THSD7B: variants seen among roughly 807,000 people sequenced by gnomAD.
The protein encoded by THSD7B is thrombospondin type-1 domain-containing protein 7B.
A neutral mutation model predicts 213.6 loss-of-function variants in THSD7B; 138 were observed. The observed-to-expected ratio is 0.65, with a 90% CI of 0.56 to 0.74. THSD7B has a LOEUF of 0.74. Ranked by LOEUF, THSD7B falls within the 30% of genes least tolerant of loss-of-function variation. THSD7B has a pLI of 0.00. For missense variants in THSD7B, 1,931 were observed against 1,991.5 expected, an observed-to-expected ratio of 0.97 and a Z score of 0.58; for synonymous variants, 742 against 687.0, an observed-to-expected ratio of 1.08 and a Z score of -1.25.
intron 7 of THSD7B, among the ~76,000 whole-genome samples, chr2:137,208,983 C>T (rs1350859067): frequency 6.6e-6 from 1 of 152,062 alleles, no homozygotes; most frequent in Non-Finnish European, 1.5e-5. Flanking sequence ...AAGCCCCTCT[C>T]ATAATCCTAA....
chr2:137,633,702 T>C (rs1308311077), intron 20 of THSD7B, among the ~76,000 whole-genome samples: 2 of 152,060 alleles, frequency 1.3e-5, no homozygotes, highest in Non-Finnish European at 2.9e-5. Context: ...TGATAAAGTG[T>C]TTTATGTGAC....
At chr2:136,803,588 T>C (rs1018818172) in intron 1 of THSD7B, among the ~76,000 whole-genome samples, 4 of 152,200 alleles carry the variant, frequency 2.6e-5, no homozygotes, top group African/African-American at 9.6e-5. Flanking sequence ...ATATTTGTAT[T>C]AATCAAGGTT....
At chr2:137,497,034 C>G (rs1471979751) in intron 15 of THSD7B, among the ~76,000 whole-genome samples, 1 of 151,994 alleles carries the variant, frequency 6.6e-6, no homozygotes, top group African/African-American at 2.4e-5. Context: ...TTATTTGGTC[C>G]TCTAAGGGAT....
intron 12 of THSD7B, among the ~76,000 whole-genome samples, chr2:137,289,655 G>A (rs1683276140): frequency 6.6e-6 from 1 of 151,978 alleles, no homozygotes. Context: ...TAATAATTTT[G>A]GGACTAAGGG....
chr2:137,567,434 A>G (rs1164588805), intron 16 of THSD7B, among the ~76,000 whole-genome samples: 1 of 152,008 alleles, frequency 6.6e-6, no homozygotes, highest in Non-Finnish European at 1.5e-5. Flanking sequence ...CCTCTTATTT[A>G]CATTTGAAAA....
chr2:137,351,156 T>A (rs750167468), intron 12 of THSD7B, among the ~76,000 whole-genome samples: 5 of 151,888 alleles, frequency 3.3e-5, no homozygotes, highest in Non-Finnish European at 5.9e-5. Context: ...AGAAGAAGGC[T>A]TAAGATCATT....
At chr2:137,594,792 T>A (rs1037978989) in intron 17 of THSD7B, among the ~76,000 whole-genome samples, 1 of 151,928 alleles carries the variant, frequency 6.6e-6, no homozygotes, top group Non-Finnish European at 1.5e-5. Context: ...AATTTATAGA[T>A]CAGTTTGGAA....
intron 26 of THSD7B, among the ~76,000 whole-genome samples, chr2:137,666,537 T>TCCCC (rs66990282): frequency 6.9e-4 from 100 of 145,902 alleles, no homozygotes; most frequent in Middle Eastern, 3.6e-3. Flanking sequence ...TTGATTGATT[T>TCCCC]CCCCCCCCCA....
chr2:136,991,136 C>G (rs1434538747), intron 2 of THSD7B, among the ~76,000 whole-genome samples: 2 of 152,152 alleles, frequency 1.3e-5, no homozygotes, highest in Non-Finnish European at 2.9e-5. Flanking sequence ...TATAATTTAG[C>G]ATTTTAAAAC....
At chr2:137,565,055 G>A (rs934978329) in intron 16 of THSD7B, among the ~76,000 whole-genome samples, 7 of 151,990 alleles carry the variant, frequency 4.6e-5, no homozygotes, top group African/African-American at 1.7e-4. Context: ...GACACATAAA[G>A]GAAAGACCAT....
At chr2:136,993,613 C>G (rs1449328838) in intron 2 of THSD7B, among the ~76,000 whole-genome samples, 2 of 152,118 alleles carry the variant, frequency 1.3e-5, no homozygotes, top group Non-Finnish European at 2.9e-5. Flanking sequence ...TGTGACATTA[C>G]CAAAAGGTTT....
chr2:137,220,955 A>G (rs1010759352), intron 7 of THSD7B, among the ~76,000 whole-genome samples: 7 of 152,120 alleles, frequency 4.6e-5, no homozygotes, highest in Non-Finnish European at 8.8e-5. Flanking sequence ...TTTTTTATAT[A>G]TATGACATTC....
In THSD7B at chr2:137,251,654, T is replaced by C. The variant is rs151162574; in HGVS notation, c.2266+9082T>C. Among the ~76,000 whole-genome samples, 16 of 152,276 alleles carry C rather than the reference T, an allele frequency of 1.1e-4. No homozygotes were observed. The East Asian group carries it at 2.9e-3, about 28-fold the overall frequency. ...TTAGTGTCCTAGACTGACCCGTGGG[T>C]AAAACTTAAAGTAATTGAACAGGTT... On this transcript the variant is annotated intron_variant, in intron 10 of 27. Transcript: ENST00000409968.
In THSD7B at chr2:137,232,896, C is replaced by T. The variant is rs751614657; in HGVS notation, c.1916-3C>T. 18 of 1,613,268 alleles carry T rather than the reference C, an allele frequency of 1.1e-5. No homozygotes were observed. The highest frequency in any genetic ancestry group is 1.5e-5 in the Non-Finnish European group (18 of 1,179,422). The stretch of plus-strand genomic sequence containing the variant: ...TATTACCTTTTGTTCTTATTTTTGG[C>T]AGGTGGAAAGCCATGTCCCCCTAGT... On this transcript the variant is annotated splice_region_variant and splice_polypyrimidine_tract_variant and intron_variant, in intron 8 of 27. Transcript: ENST00000409968.
At chr2:137,327,409 G>A (rs550104926) in intron 12 of THSD7B, among the ~76,000 whole-genome samples, 5 of 152,240 alleles carry the variant, frequency 3.3e-5, no homozygotes, top group African/African-American at 1.2e-4. Flanking sequence ...TAGAAATTCA[G>A]TATTGTTTTA....
At chr2:137,085,196 C>T (rs564581218) in intron 3 of THSD7B, among the ~76,000 whole-genome samples, 31 of 152,274 alleles carry the variant, frequency 2.0e-4, no homozygotes, top group African/African-American at 4.1e-4. Context: ...ACAAATAAAA[C>T]GCCCTGGTCC....
At chr2:137,267,439 G>A (rs1253368397) in intron 10 of THSD7B, among the ~76,000 whole-genome samples, 1 of 152,074 alleles carries the variant, frequency 6.6e-6, no homozygotes, top group African/African-American at 2.4e-5. Context: ...TTGAAAAATT[G>A]CTTAGAAGGG....
rs75506192 is a variant in THSD7B at position 137,579,355 on chromosome 2, A to G, written c.3423+6799A>G. ...TTCCTGCCATTATACTCAAACCAAA[A>G]CATTGGTCCTTCTTGGGTATAAAGC... On this transcript the variant is annotated intron_variant, in intron 17 of 27. Transcript: ENST00000409968. Among the ~76,000 whole-genome samples the G allele has an allele frequency of 5.9e-3, 893 of 152,306 alleles. 9 individuals are homozygous for G. Among genetic ancestry groups the G allele is most frequent in the African/African-American group, 0.02 (850 of 41,552 alleles).
intron 1 of THSD7B, among the ~76,000 whole-genome samples, chr2:136,813,039 A>G (rs1022530051): frequency 1.3e-5 from 2 of 152,200 alleles, no homozygotes; most frequent in Non-Finnish European, 2.9e-5. Context: ...TACTGAATCA[A>G]TTGATTCAGA....
Sources: allele counts gnomAD v4.1 joint callset (sites outside exome capture counted in the v4.1 genomes callset), GRCh38; gene constraint gnomAD v4.1.1; transcripts MANE v1.5; gene names NCBI Gene and HGNC (gene_info 2026-07-23, HGNC 2026-07-21).